ENO1: variants seen among roughly 807,000 people sequenced by gnomAD.
ENO1 encodes the protein alpha-enolase.
In ENO1, 33 loss-of-function variants were observed where a neutral mutation model predicts 46.3. That is an observed-to-expected ratio of 0.71 (90% CI 0.54 to 0.95). The LOEUF is 0.95. Among genes scored for constraint, ENO1 ranks in the 40% least tolerant of loss-of-function variants. ENO1 has a pLI of 0.00. For synonymous variants in ENO1, 220 were observed against 216.0 expected (o/e 1.02, Z -0.16); for missense variants, 488 against 553.3 (o/e 0.88, Z 1.18).
chr1:8,863,696 C>T lies in ENO1; in HGVS notation c.1067+195G>A, dbSNP rs997243284. On this transcript the variant is annotated intron_variant, in intron 9 of 11. Coordinates refer to ENST00000234590, the MANE Select transcript of ENO1 (RefSeq NM_001428.5). ...AGCTCAAGTGATCCTCCTGCCTTGG[C>T]CTCCCAAAATGTTGGGATTACAGGC... 5.9e-5 allele frequency among the ~76,000 whole-genome samples: 9 copies of T among 152,288 alleles called. No individual in the cohort carries two copies. In the East Asian group the frequency reaches 1.5e-3, roughly 26 times the overall value.
At chr1:8,861,978 T>C (rs1642415294) in intron 11 of ENO1, among the ~76,000 whole-genome samples, 1 of 150,900 alleles carries the variant, frequency 6.6e-6, no homozygotes, top group South Asian at 2.1e-4. Flanking sequence ...AAACCCCGTC[T>C]CTATTAAAAA....
intron 2 of ENO1, among the ~76,000 whole-genome samples, chr1:8,874,595 A>AAAAAAAAAG (rs1557587518): frequency 2.0e-5 from 3 of 146,866 alleles, no homozygotes; most frequent in Admixed American, 6.7e-5. Context: ...AAAAAAAAAA[A>AAAAAAAAAG]AAAAAGAAAA....
intron 7 of ENO1, 84 bp downstream of exon 7, chr1:8,866,195 A>C: frequency 8.3e-7 from 1 of 1,207,178 alleles, no homozygotes. Context: ...ATAGATTTCC[A>C]CAGTGGCAGG....
chr1:8,870,881 C>T (rs748083309), intron 3 of ENO1: 50 of 1,262,484 alleles, frequency 4.0e-5, no homozygotes, highest in East Asian at 8.6e-5. Flanking sequence ...GGTCTGGAGA[C>T]GCCTGCCCAG....
rs974142994 is a variant in ENO1 at position 8,869,860 on chromosome 1, C to T, written c.240+592G>A. Among the ~76,000 whole-genome samples, 7 of 152,244 alleles carry T rather than the reference C, an allele frequency of 4.6e-5. No individual in the cohort carries two copies. In the South Asian group the frequency reaches 8.3e-4, roughly 18 times the overall value. ...CAGGTGTGAGCCACTGCACCTGGCCCGGAGTGTTTTTAGACAGGGGTTTTC... is the reference window on the plus strand; with the variant it reads ...CAGGTGTGAGCCACTGCACCTGGCCTGGAGTGTTTTTAGACAGGGGTTTTC... On this transcript the variant is annotated intron_variant, in intron 4 of 11. Coordinates refer to ENST00000234590, the MANE Select transcript of ENO1 (RefSeq NM_001428.5).
At chr1:8,875,125 C>T (rs146416297) in intron 1 of ENO1, among the ~76,000 whole-genome samples, 49 of 152,218 alleles carry the variant, frequency 3.2e-4, no homozygotes, top group African/African-American at 1.0e-3. Context: ...GGCCTAGCTG[C>T]GGAAGGCCTT....
rs770428970 is a variant in ENO1 at position 8,867,192 on chromosome 1, G to A, written c.369C>T (p.Ala123=). The change falls in exon 6 of 12, where the codon GCC becomes GCT. Residue 123 remains alanine (A), a synonymous_variant. Transcript: ENST00000234590. ...GVSLAVCKAG[A]VEKGVPLYRH... ...GGTACAGGGGGACCCCCTTCTCAAC[G>A]GCACCAGCTTTGCAGACGGCAAGGG... The A allele has an allele frequency of 1.9e-6, 3 of 1,614,180 alleles. No homozygotes were observed. The highest frequency in any genetic ancestry group is 1.7e-6 in the Non-Finnish European group (2 of 1,180,032).
chr1:8,866,689 G>A, intron 6 of ENO1, 188 bp from the exon 7 acceptor site: 1 of 643,972 alleles, frequency 1.6e-6, no homozygotes, highest in Middle Eastern at 4.1e-4. Flanking sequence ...TTTAGAGACA[G>A]GGTTTCACTA....
At chr1:8,874,040 C>T (rs1053375954) in intron 2 of ENO1, 1 of 152,182 alleles carries the variant, frequency 6.6e-6, no homozygotes, top group Non-Finnish European at 1.5e-5. Flanking sequence ...CAGGTAAAAA[C>T]TGTCCTTGAT....
chr1:8,861,726 TAAAA>T (rs1642409594), intron 11 of ENO1, among the ~76,000 whole-genome samples: 1 of 152,048 alleles, frequency 6.6e-6, no homozygotes. Context: ...AGGAGCAAAG[TAAAA>T]TGTCAGCATT....
intron 6 of ENO1, among the ~76,000 whole-genome samples, 196 bp downstream of exon 6, chr1:8,866,921 C>G (rs1336210591): frequency 6.6e-6 from 1 of 152,178 alleles, no homozygotes; most frequent in South Asian, 2.1e-4. Context: ...ATTTCCTCCC[C>G]GAGCCTCCAT....
chr1:8,867,269 G>T lies in ENO1; in HGVS notation c.311-19C>A, dbSNP rs183139190. The T allele has an allele frequency of 1.2e-6, 2 of 1,612,946 alleles. No homozygotes were observed. The highest frequency in any genetic ancestry group is 1.7e-6 in the Non-Finnish European group (2 of 1,179,076). On this transcript the variant is annotated intron_variant, in intron 5 of 11. Transcript: ENST00000234590. The stretch of plus-strand genomic sequence containing the variant: ...AACTTAGCTAGAACAGAAGAGAACC[G>T]AGTGGAATGAAGTCATTTCTGATTC...
chr1:8,864,937 C>A (rs1478756526), intron 8 of ENO1, among the ~76,000 whole-genome samples: 1 of 152,180 alleles, frequency 6.6e-6, no homozygotes, highest in Non-Finnish European at 1.5e-5. Context: ...ATTCCCAGCT[C>A]ACAGGAAGCA....
chr1:8,867,401 G>A (rs1407088640), intron 5 of ENO1, 151 bp from the exon 6 acceptor site: 1 of 1,147,542 alleles, frequency 8.7e-7, no homozygotes, highest in African/African-American at 1.5e-5. Context: ...AGCATTCTAT[G>A]TGGACTCACC....
intron 8 of ENO1, 33 bp from the exon 9 acceptor site, chr1:8,864,125 G>A (rs776840133): frequency 1.2e-6 from 2 of 1,609,316 alleles, no homozygotes; most frequent in South Asian, 2.2e-5. Context: ...TCATCAGTGT[G>A]ATCCTCCCAG....
In ENO1 at chr1:8,864,054, C is replaced by G. The variant is rs758777585; in HGVS notation, c.904G>C (p.Gly302Arg). 1 of 1,614,014 alleles carries G rather than the reference C, an allele frequency of 6.2e-7. No homozygotes were observed. Among genetic ancestry groups the G allele is most frequent in the East Asian group, 2.2e-5 (1 of 44,886 alleles). ...CTGGCTGTGAACTTCTGCCAAGCTC[C>G]CCAGTCATCCTGGTCAAAGGGATCT... is the stretch of plus-strand genomic sequence containing the variant. ...IEDPFDQDDWGAWQKFTASAG... is the reference protein window; with the variant it reads ...IEDPFDQDDWRAWQKFTASAG... The change falls in exon 9 of 12, where the codon GGA becomes CGA. Residue 302 changes from glycine to arginine, a missense_variant. Physicochemically the swap from Gly to Arg is moderately radical, Grantham distance 125. Coordinates refer to ENST00000234590, the MANE Select transcript of ENO1 (RefSeq NM_001428.5).
chr1:8,867,113 T>A lies in ENO1; in HGVS notation c.444+4A>T, dbSNP rs778645839. The A allele has an allele frequency of 1.9e-6, 3 of 1,611,372 alleles. No individual in the cohort carries two copies. In the South Asian group the frequency reaches 3.3e-5, roughly 18 times the overall value. The stretch of plus-strand genomic sequence containing the variant: ...TGCTTGGGAAGTTCCAATAAACCAC[T>A]CACCGGGACTGGCAGGATGACTTCA... On this transcript the variant is annotated splice_donor_region_variant and intron_variant, in intron 6 of 11. Coordinates refer to ENST00000234590, the MANE Select transcript of ENO1 (RefSeq NM_001428.5).
In ENO1 at chr1:8,867,191, C is replaced by A; in HGVS notation, c.370G>T (p.Val124Phe). The A allele has an allele frequency of 6.2e-7, 1 of 1,614,214 alleles. No individual in the cohort carries two copies. The highest frequency in any genetic ancestry group is 8.5e-7 in the Non-Finnish European group (1 of 1,180,046). Reference sequence around the variant, plus strand: ...CGGTACAGGGGGACCCCCTTCTCAACGGCACCAGCTTTGCAGACGGCAAGG... The same window carrying A: ...CGGTACAGGGGGACCCCCTTCTCAAAGGCACCAGCTTTGCAGACGGCAAGG... ...VSLAVCKAGA[V>F]EKGVPLYRHI... The change falls in exon 6 of 12, where the codon GTT (valine) becomes TTT (phenylalanine). Residue 124 changes from valine to phenylalanine, a missense_variant. Transcript: ENST00000234590.
chr1:8,866,703 T>G, intron 6 of ENO1: 1 of 613,274 alleles, frequency 1.6e-6, no homozygotes, highest in Non-Finnish European at 2.8e-6. Flanking sequence ...TTCACTATAC[T>G]GGTCTTGCCT....
Sources: gnomAD v4.1 joint callset for allele counts (sites outside exome capture counted in the v4.1 genomes callset) on GRCh38, gnomAD v4.1.1 for gene constraint, MANE v1.5 for transcripts, NCBI Gene and HGNC (gene_info 2026-07-23, HGNC 2026-07-21) for gene names.